The following CNTN6 variants were observed in gnomAD, a reference collection of about 807,000 sequenced individuals.
CNTN6 encodes contactin 6.
Under a neutral mutation model 122.8 loss-of-function variants are expected in CNTN6, and 137 were observed. The ratio of observed to expected loss-of-function variants is 1.12; its 90% confidence interval spans 0.97 to 1.29. The LOEUF (loss-of-function observed/expected upper bound fraction) is 1.29, where lower values mean the gene tolerates loss of function less well. Ranked by LOEUF, CNTN6 falls within the 50% of genes most tolerant of loss-of-function variation. The pLI, the probability that CNTN6 is intolerant of heterozygous loss-of-function variation, is 0.00. For synonymous variants in CNTN6, 570 were observed against 426.0 expected (o/e 1.34, Z -4.16); for missense variants, 1,634 against 1,223.4 (o/e 1.34, Z -5.01).
At chr3:1,106,982 C>A (rs558373189) in intron 1 of CNTN6, among the ~76,000 whole-genome samples, 33 of 152,136 alleles carry the variant, frequency 2.2e-4, no homozygotes, top group African/African-American at 5.5e-4. Context: ...CTATCTATCT[C>A]TCTAAATATA....
intron 2 of CNTN6, among the ~76,000 whole-genome samples, chr3:1,207,887 A>G (rs2093979772): frequency 6.6e-6 from 1 of 152,038 alleles, no homozygotes; most frequent in Admixed American, 6.6e-5. Context: ...TTTAACAGCT[A>G]AGGACTTCAA....
At chr3:1,109,614 A>G (rs963606400) in intron 1 of CNTN6, among the ~76,000 whole-genome samples, 1 of 152,018 alleles carries the variant, frequency 6.6e-6, no homozygotes, top group African/African-American at 2.4e-5. Flanking sequence ...CTAACTTAGA[A>G]CACACAAAAA....
intron 2 of CNTN6, among the ~76,000 whole-genome samples, chr3:1,166,458 G>A (rs1319458979): frequency 2.0e-5 from 3 of 152,154 alleles, no homozygotes; most frequent in Non-Finnish European, 4.4e-5. Context: ...CATCCTAGAA[G>A]CTTCTGGTCA....
rs532313414 is a variant in CNTN6 at position 1,327,986 on chromosome 3, G to A, written c.1213+400G>A. Reference sequence around the variant, plus strand: ...CTTAGCAAGAGGGGCATTGGCTGCCGGGCATGGCACCTCAACTTGACAAAA... The same window carrying A: ...CTTAGCAAGAGGGGCATTGGCTGCCAGGCATGGCACCTCAACTTGACAAAA... On this transcript the variant is annotated intron_variant, in intron 10 of 22. Transcript: ENST00000446702. 7.6e-4 allele frequency among the ~76,000 whole-genome samples: 116 copies of A among 151,900 alleles called. 1 individual carries two copies. The highest frequency in any genetic ancestry group is 8.3e-4 in the Non-Finnish European group (56 of 67,872).
chr3:1,192,460 T>C lies in CNTN6; in HGVS notation c.56-28227T>C, dbSNP rs944340527. 4.6e-5 allele frequency among the ~76,000 whole-genome samples: 7 copies of C among 152,284 alleles called. No homozygotes were observed. The South Asian group carries it at 1.0e-3, about 23-fold the overall frequency. On this transcript the variant is annotated intron_variant, in intron 2 of 22. Coordinates refer to ENST00000446702, the MANE Select transcript of CNTN6 (RefSeq NM_001289080.2). ...ACTGGAGCCCACATGGACCATACTA[T>C]ACATTATTTGCAGCATTTGTAGGCA...
intron 1 of CNTN6, among the ~76,000 whole-genome samples, chr3:1,124,188 C>T (rs1177089165): frequency 6.6e-6 from 1 of 151,918 alleles, no homozygotes; most frequent in Non-Finnish European, 1.5e-5. Flanking sequence ...CAAGGATGCT[C>T]CTGGATGTTC....
chr3:1,325,473 A>G (rs1240072266), intron 8 of CNTN6, among the ~76,000 whole-genome samples: 1 of 151,838 alleles, frequency 6.6e-6, no homozygotes, highest in Non-Finnish European at 1.5e-5. Context: ...TTTGATATAC[A>G]TTTTCTAACT....
intron 1 of CNTN6, among the ~76,000 whole-genome samples, chr3:1,119,079 A>G (rs2091847152): frequency 6.6e-6 from 1 of 152,048 alleles, no homozygotes; most frequent in African/African-American, 2.4e-5. Context: ...AATGTGGCAG[A>G]TTTGAAGGAG....
Position 1,401,510 on chromosome 3 carries a change from A to C in CNTN6, c.2782A>C (p.Thr928Pro). ...ATGCTTGAACTGGGAGCATGTAAAA[A>C]CCATGGAAAATGAGTCTGAAGTTTT... ...KLCLNWEHVK[T>P]MENESEVLGY... The change falls in exon 21 of 23, where the codon ACC becomes CCC. Residue 928 changes from threonine (T) to proline (P), a missense_variant. By Grantham distance (38) the Thr-to-Pro change is conservative. Transcript: ENST00000446702. 1 of 1,611,862 alleles carries C rather than the reference A, an allele frequency of 6.2e-7. No individual in the cohort carries two copies. The highest frequency in any genetic ancestry group is 1.7e-5 in the Admixed American group (1 of 59,816).
chr3:1,140,746 C>G (rs1185418011), intron 1 of CNTN6, among the ~76,000 whole-genome samples: 5 of 152,260 alleles, frequency 3.3e-5, no homozygotes, highest in Non-Finnish European at 5.9e-5. Flanking sequence ...ATTTCCATAA[C>G]AAACATATTT....
intron 4 of CNTN6, among the ~76,000 whole-genome samples, chr3:1,245,233 TATACACACACACATATATATATAAC>T (rs2094551028): frequency 1.1e-4 from 1 of 9,010 alleles, no homozygotes; most frequent in African/African-American, 5.8e-4. Flanking sequence ...TATATATATA[TATACACACACACATATATATATAAC>T]ATATATATAT....
chr3:1,254,497 T>G (rs1032945610), intron 4 of CNTN6, among the ~76,000 whole-genome samples: 1 of 152,178 alleles, frequency 6.6e-6, no homozygotes, highest in African/African-American at 2.4e-5. Flanking sequence ...ATAAAGGTAT[T>G]TTTATTTATA....
intron 1 of CNTN6, among the ~76,000 whole-genome samples, chr3:1,101,368 G>A (rs2090887757): frequency 1.3e-5 from 2 of 151,942 alleles, no homozygotes; most frequent in African/African-American, 4.8e-5. Context: ...ATTTAACCTC[G>A]GCTATGTGTA....
rs528200338 is a variant in CNTN6, at chr3:1,349,998, T to C, written c.1365-2326T>C. On this transcript the variant is annotated intron_variant, in intron 11 of 22. Transcript: ENST00000446702. ...ATAAATCATAAATCAATTTGGTTAC[T>C]AGTTTGGCTATTTTTATAAAACATT... Among the ~76,000 whole-genome samples the C allele has an allele frequency of 3.9e-5, 6 of 151,990 alleles. No homozygotes were observed. In the East Asian group the frequency reaches 7.7e-4, roughly 20 times the overall value.
chr3:1,323,619 C>G (rs928010632), intron 8 of CNTN6, among the ~76,000 whole-genome samples: 5 of 151,656 alleles, frequency 3.3e-5, no homozygotes, highest in Admixed American at 1.3e-4. Context: ...AATTCAGAAC[C>G]AAGTAATATT....
intron 4 of CNTN6, among the ~76,000 whole-genome samples, chr3:1,263,012 A>G (rs570848894): frequency 6.6e-6 from 1 of 152,288 alleles, no homozygotes; most frequent in Admixed American, 6.5e-5. Context: ...TAAGTTATTT[A>G]GGGCCATTTG....
At chr3:1,133,208 A>C (rs1218454056) in intron 1 of CNTN6, among the ~76,000 whole-genome samples, 2 of 152,188 alleles carry the variant, frequency 1.3e-5, no homozygotes, top group Non-Finnish European at 2.9e-5. Flanking sequence ...ATTTCGTAGA[A>C]TAAGGTCATC....
chr3:1,291,202 C>T (rs1332567960), intron 5 of CNTN6, among the ~76,000 whole-genome samples: 1 of 152,164 alleles, frequency 6.6e-6, no homozygotes, highest in Non-Finnish European at 1.5e-5. Flanking sequence ...AAAGCAGTTG[C>T]TGGCATGATG....
At chr3:1,170,145 G>A (rs1317176796) in intron 2 of CNTN6, among the ~76,000 whole-genome samples, 2 of 144,748 alleles carry the variant, frequency 1.4e-5, no homozygotes, top group African/African-American at 2.5e-5. Context: ...GCTGAGACAA[G>A]AGAATTGCTT....
Sources: allele counts gnomAD v4.1 joint callset (sites outside exome capture counted in the v4.1 genomes callset), GRCh38; gene constraint gnomAD v4.1.1; transcripts MANE v1.5; gene names NCBI Gene and HGNC (gene_info 2026-07-23, HGNC 2026-07-21).